Variants in LRRC4C observed in about 807,000 individuals in gnomAD.
LRRC4C encodes leucine-rich repeat-containing protein 4C.
In LRRC4C, 5 loss-of-function variants were observed where a neutral mutation model predicts 33.6. The observed-to-expected ratio is 0.15, with a 90% CI of 0.08 to 0.31. The LOEUF (loss-of-function observed/expected upper bound fraction) is 0.31. Among genes scored for constraint, LRRC4C ranks in the 10% least tolerant of loss-of-function variants. LRRC4C has a pLI of 1.00. For missense variants in LRRC4C, 560 were observed against 796.7 expected, an observed-to-expected ratio of 0.70 and a Z score of 3.58; for synonymous variants, 329 against 302.0, an observed-to-expected ratio of 1.09 and a Z score of -0.93.
At chr11:40,337,348 T>C (rs1946674509) in intron 3 of LRRC4C, among the ~76,000 whole-genome samples, 1 of 152,204 alleles carries the variant, frequency 6.6e-6, no homozygotes, top group Non-Finnish European at 1.5e-5. Context: ...ATTTACATTT[T>C]TAAATAATCA....
At chr11:40,979,872 T>C (rs1373524809) in intron 1 of LRRC4C, among the ~76,000 whole-genome samples, 1 of 152,212 alleles carries the variant, frequency 6.6e-6, no homozygotes, top group Non-Finnish European at 1.5e-5. Context: ...TTTCTTGATG[T>C]GAATCTTATA....
At chr11:40,917,317 A>G (rs1386606320) in intron 2 of LRRC4C, among the ~76,000 whole-genome samples, 3 of 152,138 alleles carry the variant, frequency 2.0e-5, no homozygotes, top group African/African-American at 7.2e-5. Context: ...AACTTCTTAG[A>G]AGAAGGTTAA....
intron 1 of LRRC4C, among the ~76,000 whole-genome samples, chr11:40,952,287 A>G (rs1350675886): frequency 1.3e-5 from 2 of 151,906 alleles, no homozygotes; most frequent in East Asian, 1.9e-4. Flanking sequence ...CTTTCCCCCA[A>G]AATAAAATAT....
chr11:40,890,598 T>C (rs1955657302), intron 2 of LRRC4C, among the ~76,000 whole-genome samples: 1 of 152,146 alleles, frequency 6.6e-6, no homozygotes. Context: ...CTAACTTGGA[T>C]CAAAATTTTA....
At chr11:40,463,732 A>T (rs1300553615) in intron 3 of LRRC4C, among the ~76,000 whole-genome samples, 1 of 152,140 alleles carries the variant, frequency 6.6e-6, no homozygotes, top group Admixed American at 6.6e-5. Flanking sequence ...CCACCACATT[A>T]TATAGCTTCT....
intron 1 of LRRC4C, among the ~76,000 whole-genome samples, chr11:40,944,518 A>G (rs1958302839): frequency 1.3e-5 from 2 of 152,196 alleles, no homozygotes; most frequent in African/African-American, 4.8e-5. Flanking sequence ...TGCTAATTTT[A>G]TTAACAAGTC....
At chr11:41,163,284 G>GTTTTTTT (rs71466923) in intron 1 of LRRC4C, among the ~76,000 whole-genome samples, 15,813 of 72,810 alleles carry the variant, frequency 0.22, 5,550 homozygotes, top group East Asian at 0.48. Context: ...TACTGTAACT[G>GTTTTTTT]TTTTTTTTTT....
chr11:40,462,857 A>G (rs1020389012), intron 3 of LRRC4C, among the ~76,000 whole-genome samples: 1 of 152,060 alleles, frequency 6.6e-6, no homozygotes, highest in Non-Finnish European at 1.5e-5. Flanking sequence ...CTTAGGTTTT[A>G]TCCTAAAGAA....
intron 1 of LRRC4C, among the ~76,000 whole-genome samples, chr11:41,077,273 G>C (rs1939223045): frequency 6.6e-6 from 1 of 152,188 alleles, no homozygotes; most frequent in Non-Finnish European, 1.5e-5. Flanking sequence ...GAGACTCTGT[G>C]TGGGGGCTCC....
At chr11:40,785,221 G>A (rs1950365305) in intron 2 of LRRC4C, among the ~76,000 whole-genome samples, 1 of 152,128 alleles carries the variant, frequency 6.6e-6, no homozygotes, top group Non-Finnish European at 1.5e-5. Flanking sequence ...GCTGAATTCT[G>A]CTAATGTCAG....
intron 4 of LRRC4C, among the ~76,000 whole-genome samples, chr11:40,260,518 A>G (rs1174031172): frequency 1.3e-5 from 2 of 151,530 alleles, no homozygotes; most frequent in Admixed American, 6.6e-5. Flanking sequence ...ACTAACCTGC[A>G]CATTGTGCAC....
chr11:40,779,087 T>TGTGTAGG (rs1950119380), intron 2 of LRRC4C, among the ~76,000 whole-genome samples: 1 of 152,128 alleles, frequency 6.6e-6, no homozygotes. Flanking sequence ...ATCTACCACC[T>TGTGTAGG]ACCACAGGGA....
intron 2 of LRRC4C, among the ~76,000 whole-genome samples, chr11:40,782,281 C>CAGTT (rs1268411027): frequency 6.6e-6 from 1 of 152,014 alleles, no homozygotes; most frequent in African/African-American, 2.4e-5. Context: ...TCAGTGGAAA[C>CAGTT]AGTTACTACC....
At chr11:41,395,982 A>T (rs764016563) in intron 1 of LRRC4C, among the ~76,000 whole-genome samples, 1 of 152,024 alleles carries the variant, frequency 6.6e-6, no homozygotes, top group Non-Finnish European at 1.5e-5. Flanking sequence ...GTGGCCCAGG[A>T]CGGCTTTGAA....
At chr11:40,856,005 C>G (rs770499039) in intron 2 of LRRC4C, among the ~76,000 whole-genome samples, 10 of 151,774 alleles carry the variant, frequency 6.6e-5, no homozygotes, top group Non-Finnish European at 1.2e-4. Flanking sequence ...GGAACAAAGA[C>G]AGTTTTATCT....
At chr11:41,223,576 T>A (rs1271344480) in intron 1 of LRRC4C, among the ~76,000 whole-genome samples, 1 of 152,190 alleles carries the variant, frequency 6.6e-6, no homozygotes, top group Admixed American at 6.5e-5. Flanking sequence ...ACAAATTGTC[T>A]TGTCCAAAAC....
intron 1 of LRRC4C, among the ~76,000 whole-genome samples, chr11:41,433,154 G>GAAAC (rs1238814563): frequency 4.6e-5 from 7 of 152,196 alleles, no homozygotes; most frequent in Admixed American, 2.6e-4. Context: ...AATAGTATGT[G>GAAAC]AAACACGAGT....
intron 5 of LRRC4C, among the ~76,000 whole-genome samples, chr11:40,168,158 C>T (rs1859757171): frequency 6.6e-6 from 1 of 152,124 alleles, no homozygotes; most frequent in South Asian, 2.1e-4. Flanking sequence ...GGAGATAAAA[C>T]TGTTTAACTA....
chr11:41,354,285 A>G (rs1006383155), intron 1 of LRRC4C, among the ~76,000 whole-genome samples: 2 of 152,168 alleles, frequency 1.3e-5, no homozygotes, highest in African/African-American at 4.8e-5. Context: ...AGCCACAAAA[A>G]GAATAAAATA....
Sources: allele counts gnomAD v4.1 joint callset (sites outside exome capture counted in the v4.1 genomes callset), GRCh38; gene constraint gnomAD v4.1.1; transcripts MANE v1.5; gene names NCBI Gene and HGNC (gene_info 2026-07-23, HGNC 2026-07-21).